LCT: variants seen among roughly 807,000 people sequenced by gnomAD.
The protein encoded by LCT is lactase/phlorizin hydrolase.
Under a neutral mutation model 173.0 loss-of-function variants are expected in LCT, and 90 were observed. The observed-to-expected ratio is 0.52, with a 90% confidence interval of 0.44 to 0.62. LCT has a LOEUF of 0.62. Among genes scored for constraint, LCT ranks in the 20% least tolerant of loss-of-function variants. LCT has a pLI of 0.00. For synonymous variants in LCT, 853 were observed against 957.6 expected, an observed-to-expected ratio of 0.89 and a Z score of 2.02; for missense variants, 1,864 against 2,431.4, an observed-to-expected ratio of 0.77 and a Z score of 4.91.
At position 135,804,088 on chromosome 2, in the gene LCT, T is replaced by A; in HGVS notation, c.4505A>T (p.Asp1502Val). The change falls in exon 11 of 17, where the codon GAT becomes GTT. Residue 1502 changes from aspartate (D) to valine (V), a missense_variant. Asp to Val is a radical substitution (Grantham distance 152). Around this residue, in one of 4 missense-constraint regions of LCT, gnomAD observed 514 missense variants for 750.1 expected, o/e 0.69. Transcript: ENST00000264162. Reference sequence around the variant, plus strand: ...GGTCTCATTCTCCCAGCCTCCTACATCTTGGAGCGTCTGTGGTAGGTCCCA... The same window carrying A: ...GGTCTCATTCTCCCAGCCTCCTACAACTTGGAGCGTCTGTGGTAGGTCCCA... ...YHWDLPQTLQ[D>V]VGGWENETIV... The A allele has an allele frequency of 6.2e-7, 1 of 1,614,110 alleles. No individual in the cohort carries two copies. Among genetic ancestry groups the A allele is most frequent in the Admixed American group, 1.7e-5 (1 of 60,028 alleles).
chr2:135,822,293 G>A (rs2077840958), intron 4 of LCT, 195 bp from the exon 5 acceptor site: 1 of 572,846 alleles, frequency 1.7e-6, no homozygotes, highest in Non-Finnish European at 3.1e-6. Flanking sequence ...CTTAAAAGTG[G>A]TTCTCAAACT....
At chr2:135,824,967 G>A (rs1426471478) in intron 3 of LCT, among the ~76,000 whole-genome samples, 2 of 146,994 alleles carry the variant, frequency 1.4e-5, no homozygotes, top group Non-Finnish European at 3.0e-5. Context: ...ACTTCAGTCT[G>A]GGCAACAAGA....
At chr2:135,797,384 C>T (rs1575332629) in intron 13 of LCT, among the ~76,000 whole-genome samples, 1 of 152,140 alleles carries the variant, frequency 6.6e-6, no homozygotes, top group Admixed American at 6.5e-5. Context: ...CAGTGACTGC[C>T]GCTTCCTGCG....
rs886054868 is a variant in LCT at position 135,818,003 on chromosome 2, C to T, written c.1045G>A (p.Glu349Lys). ...ALQPDQQQDHETTDSSPASAY... is the reference protein window; with the variant it reads ...ALQPDQQQDHKTTDSSPASAY... ...GAGGCAGGAGAGGAGTCCGTGGTCT[C>T]GTGGTCCTGCTGCTGGTCAGGCTGA... The change falls in exon 6 of 17, where the codon GAG (glutamate) becomes AAG (lysine). Residue 349 changes from glutamate (E) to lysine (K), a missense_variant. This residue lies in a region of LCT where 412 missense variants were observed against 462.0 expected (regional missense o/e 0.89). Coordinates refer to ENST00000264162, the MANE Select transcript of LCT (RefSeq NM_002299.4). 3 of 1,613,384 alleles carry T rather than the reference C, an allele frequency of 1.9e-6. No individual in the cohort carries two copies. Among genetic ancestry groups the T allele is most frequent in the Admixed American group, 1.7e-5 (1 of 60,026 alleles).
In LCT at chr2:135,836,563, A is replaced by G. The variant is rs1679387845; in HGVS notation, c.607T>C (p.Tyr203His). 1 of 1,614,130 alleles carries G rather than the reference A, an allele frequency of 6.2e-7. No homozygotes were observed. The highest frequency in any genetic ancestry group is 8.5e-7 in the Non-Finnish European group (1 of 1,180,002). Residue 203 changes from tyrosine (Y) to histidine (H), a missense_variant, in exon 1 of 17, where the codon TAT becomes CAT. Tyr to His is a moderately conservative substitution (Grantham distance 83). Transcript: ENST00000264162. Reference protein sequence around the residue: ...QTLSDAHRKAYEIYHESYAFQ... With the variant: ...QTLSDAHRKAHEIYHESYAFQ... ...GCATAGCTTTCGTGGTAAATCTCAT[A>G]GGCTTTTCTGTGGGCATCACTGAGG...
chr2:135,836,418 A>G, intron 1 of LCT, 112 bp downstream of exon 1: 1 of 960,850 alleles, frequency 1.0e-6, no homozygotes, highest in South Asian at 1.3e-5. Context: ...CACAGACATA[A>G]GAGGACTGCT....
At chr2:135,807,851 G>T (rs2077690946) in intron 8 of LCT, among the ~76,000 whole-genome samples, 2 of 151,742 alleles carry the variant, frequency 1.3e-5, no homozygotes, top group Non-Finnish European at 2.9e-5. Flanking sequence ...TTTTAGGCTG[G>T]GCACAGTGGC....
At position 135,807,290 on chromosome 2, in the gene LCT, A is replaced by C; in HGVS notation, c.4011T>G (p.Val1337=). 1 of 1,614,232 alleles carries C rather than the reference A, an allele frequency of 6.2e-7. No homozygotes were observed. The highest frequency in any genetic ancestry group is 1.1e-5 in the South Asian group (1 of 91,080). The change falls in exon 9 of 17, where the codon GTT becomes GTG. Residue 1337 remains valine, a synonymous_variant. Transcript: ENST00000264162. ...GYTVKFGLYH[V]DFNNTNRPRT... ...GAGGCCTGTTCGTGTTGTTGAAATCAACATGGTACAGTCCAAACTTGACCG... is the reference window on the plus strand; with the variant it reads ...GAGGCCTGTTCGTGTTGTTGAAATCCACATGGTACAGTCCAAACTTGACCG...
At chr2:135,792,091 G>T (rs1217065437) in intron 14 of LCT, among the ~76,000 whole-genome samples, 1 of 152,230 alleles carries the variant, frequency 6.6e-6, no homozygotes, top group Non-Finnish European at 1.5e-5. Flanking sequence ...GAAGGGGAAA[G>T]TCTGCCTCTG....
Position 135,812,637 on chromosome 2 carries a change from C to G in LCT, c.2027G>C (p.Gly676Ala), listed in dbSNP as rs779001048. 6.8e-6 allele frequency: 11 copies of G among 1,611,468 alleles called. No individual in the cohort carries two copies. Among genetic ancestry groups the G allele is most frequent in the East Asian group, 4.5e-5 (2 of 44,820 alleles). The change falls in exon 7 of 17, where the codon GGC becomes GCC. Residue 676 changes from glycine to alanine, a missense_variant. Gly to Ala is a moderately conservative substitution (Grantham distance 60, BLOSUM62 0). Transcript: ENST00000264162. The part of the protein sequence containing the change: ...FTEAEKQLLK[G>A]SADFLGLSHY... ...CGACAGACCCAGAAAATCAGCAGAG[C>G]CTTTCAGGAGCTGCTTCTCTGCCTC...
rs1216893631 is a variant in LCT at position 135,803,937 on chromosome 2, T to A, written c.4656A>T (p.Ala1552=). The A allele has an allele frequency of 2.5e-6, 4 of 1,613,732 alleles. No individual in the cohort carries two copies. Among genetic ancestry groups the A allele is most frequent in the Non-Finnish European group, 3.4e-6 (4 of 1,179,810 alleles). Residue 1552 remains alanine (A), a synonymous_variant, in exon 11 of 17, where the codon GCA becomes GCT. Transcript: ENST00000264162. ...GCCAGGGCTGGGACTTACCTGGAGCTGCTGTTCCGTAGCCATAGCCCTGGT... is the reference window on the plus strand; with the variant it reads ...GCCAGGGCTGGGACTTACCTGGAGCAGCTGTTCCGTAGCCATAGCCCTGGT... ...IAYQGYGYGT[A]APGVSNRPGT... is the part of the protein sequence containing the mutation.
intron 1 of LCT, among the ~76,000 whole-genome samples, chr2:135,833,608 G>A (rs112742092): frequency 0.3 from 35,560 of 119,142 alleles, 2,308 homozygotes; most frequent in Middle Eastern, 0.5. Flanking sequence ...CACCACGCCC[G>A]GCTAATTTTT....
rs2278544 is a variant in LCT, at chr2:135,788,540, A to G, written c.5568T>C (p.Ala1856=). The G allele has an allele frequency of 0.73, 1,163,157 of 1,603,220 alleles. 442,835 individuals are homozygous for G. Among genetic ancestry groups the G allele is most frequent in the Non-Finnish European group, 0.8 (936,803 of 1,171,976 alleles). Residue 1856 remains alanine, a synonymous_variant, in exon 17 of 17, where the codon GCT becomes GCC. Transcript: ENST00000264162. ...GTCTCACGGGGCTGATGGTGGGTCC[A>G]GCATCTAGGAGAGTGTGACACAGGG... is the stretch of plus-strand genomic sequence containing the variant. ...GPHACLHQPD[A]GPTISPVRQE...
At position 135,817,921 on chromosome 2, in the gene LCT, G is replaced by A; in HGVS notation, c.1127C>T (p.Ala376Val). ...TTCAGGGAAAGTATCCTGCAGGAAG[G>A]CATCCCTTTCCGCCCTGGACTGATT... ...FANQSRAERD[A>V]FLQDTFPEGF... Residue 376 changes from alanine to valine, a missense_variant, in exon 6 of 17, where the codon GCC (alanine) becomes GTC (valine). Physicochemically the swap from Ala to Val is moderately conservative, Grantham distance 64. Transcript: ENST00000264162. 1 of 1,614,050 alleles carries A rather than the reference G, an allele frequency of 6.2e-7. No individual in the cohort carries two copies. Among genetic ancestry groups the A allele is most frequent in the Non-Finnish European group, 8.5e-7 (1 of 1,180,016 alleles).
At chr2:135,833,741 C>T (rs1474445430) in intron 1 of LCT, among the ~76,000 whole-genome samples, 8 of 151,858 alleles carry the variant, frequency 5.3e-5, no homozygotes, top group African/African-American at 1.5e-4. Flanking sequence ...CCACCGCGCC[C>T]GGCCATCTTA....
Position 135,822,071 on chromosome 2 carries a change from A to T in LCT, c.935T>A (p.Ile312Asn). 1 of 1,606,278 alleles carries T rather than the reference A, an allele frequency of 6.2e-7. No individual in the cohort carries two copies. ...CAGAAACTCATTAATATCAAACCCA[A>T]TGGTGAGCACTTGGTCTTTATTTAT... The part of the protein sequence containing the change: ...EAINKDQVLT[I>N]GFDINEFLSC... Residue 312 changes from isoleucine to asparagine, a missense_variant, in exon 5 of 17, where the codon ATT (isoleucine) becomes AAT (asparagine). Physicochemically the swap from Ile to Asn is moderately radical, Grantham distance 149. Coordinates refer to ENST00000264162, the MANE Select transcript of LCT (RefSeq NM_002299.4).
chr2:135,795,752 T>TA (rs2077577115), intron 13 of LCT, among the ~76,000 whole-genome samples: 1 of 151,834 alleles, frequency 6.6e-6, no homozygotes. Context: ...TCCTTTTTTT[T>TA]TTCCCAGACA....
intron 11 of LCT, among the ~76,000 whole-genome samples, chr2:135,802,127 C>T (rs2077632746): frequency 6.6e-6 from 1 of 152,100 alleles, no homozygotes. Flanking sequence ...GGAGTGTAAA[C>T]CAAAGGGGCG....
chr2:135,833,333 G>A (rs2077954794), intron 1 of LCT, 143 bp from the exon 2 acceptor site: 3 of 732,382 alleles, frequency 4.1e-6, no homozygotes, highest in South Asian at 2.9e-5. Context: ...TAGAAGACAA[G>A]GTGGCTTAAA....
Sources: gnomAD v4.1 joint callset for allele counts (sites outside exome capture counted in the v4.1 genomes callset) on GRCh38, gnomAD v4.1.1 for gene constraint, gnomAD v4.1.1 regional missense constraint, MANE v1.5 for transcripts, NCBI Gene and HGNC (gene_info 2026-07-23, HGNC 2026-07-21) for gene names.